Variants in KCNH8 observed in about 807,000 individuals in gnomAD.
KCNH8 encodes the protein potassium voltage-gated channel subfamily H member 8, also known as voltage-gated delayed rectifier potassium channel KCNH8.
KCNH8 carries 70 observed loss-of-function variants against 103.6 expected under a neutral mutation model. The ratio of observed to expected loss-of-function variants is 0.68; its 90% confidence interval spans 0.56 to 0.82. The LOEUF (loss-of-function observed/expected upper bound fraction) is 0.82. Ranked by LOEUF, KCNH8 falls within the 40% of genes least tolerant of loss-of-function variation. KCNH8 has a pLI of 0.00. For missense variants in KCNH8, 1,217 were observed against 1,329.9 expected (o/e 0.92, Z 1.32); for synonymous variants, 498 against 489.4 (o/e 1.02, Z -0.23).
chr3:19,156,095 C>T (rs1240736401), intron 1 of KCNH8, among the ~76,000 whole-genome samples: 1 of 152,120 alleles, frequency 6.6e-6, no homozygotes, highest in Non-Finnish European at 1.5e-5. Flanking sequence ...TACTGGACTG[C>T]CTTCCAGCCT....
chr3:19,431,332 G>A (rs1232764752), intron 7 of KCNH8, among the ~76,000 whole-genome samples: 1 of 152,204 alleles, frequency 6.6e-6, no homozygotes, highest in African/African-American at 2.4e-5. Flanking sequence ...CTGGCGTGAA[G>A]CCTACTTGAT....
intron 7 of KCNH8, among the ~76,000 whole-genome samples, chr3:19,427,593 G>A (rs77896429): frequency 0.068 from 10,315 of 152,222 alleles, 445 homozygotes; most frequent in Middle Eastern, 0.14. Flanking sequence ...TCACAAGACA[G>A]TAACCAAAGA....
intron 3 of KCNH8, among the ~76,000 whole-genome samples, chr3:19,290,382 T>C (rs923555979): frequency 1.3e-5 from 2 of 152,198 alleles, no homozygotes; most frequent in African/African-American, 4.8e-5. Flanking sequence ...GGCTGTGGGT[T>C]TGTCATATAT....
chr3:19,270,591 G>T (rs2125265914), intron 2 of KCNH8, among the ~76,000 whole-genome samples: 1 of 152,212 alleles, frequency 6.6e-6, no homozygotes, highest in East Asian at 1.9e-4. Flanking sequence ...TCAAGTTCTA[G>T]TGAGGTGCCC....
intron 5 of KCNH8, among the ~76,000 whole-genome samples, chr3:19,362,757 A>G (rs535565694): frequency 1.3e-5 from 2 of 152,198 alleles, no homozygotes; most frequent in African/African-American, 4.8e-5. Flanking sequence ...TCAATCTCCC[A>G]GGGTGATGCT....
intron 3 of KCNH8, among the ~76,000 whole-genome samples, chr3:19,284,508 GGTGTGTGTGTGTGTGTGTGTGTGT>G (rs66509260): frequency 8.8e-5 from 12 of 136,524 alleles, no homozygotes; most frequent in Non-Finnish European, 1.4e-4. Flanking sequence ...TGGATCTGCT[GGTGTGTGTGTGTGTGTGTGTGTGT>G]GTGTGTGTGT....
rs146732477 is a variant in KCNH8, at chr3:19,359,566, A to G, written c.811+11601A>G. On this transcript the variant is annotated intron_variant, in intron 5 of 15. Coordinates refer to ENST00000328405, the MANE Select transcript of KCNH8 (RefSeq NM_144633.3). ...GGACGACTGAAGTTTGGGGCTGGAT[A>G]ATCGTTAGTTATGGAGGCTGCCCTG... 1.7e-3 allele frequency among the ~76,000 whole-genome samples: 264 copies of G among 152,114 alleles called. 1 individual carries two copies. The highest frequency in any genetic ancestry group is 6.0e-3 in the African/African-American group (249 of 41,558).
intron 3 of KCNH8, among the ~76,000 whole-genome samples, chr3:19,302,372 C>G (rs560517337): frequency 2.0e-5 from 3 of 152,266 alleles, no homozygotes; most frequent in Admixed American, 1.3e-4. Flanking sequence ...ATTAAAATAT[C>G]ACACATCCAT....
At chr3:19,172,146 A>G (rs1295464384) in intron 1 of KCNH8, among the ~76,000 whole-genome samples, 1 of 152,218 alleles carries the variant, frequency 6.6e-6, no homozygotes, top group African/African-American at 2.4e-5. Context: ...TACAAGTAAC[A>G]AAAGAGCAAA....
chr3:19,202,756 C>T lies in KCNH8; in HGVS notation c.77-50898C>T, dbSNP rs573330179. 9.9e-5 allele frequency among the ~76,000 whole-genome samples: 15 copies of T among 152,114 alleles called. No individual in the cohort carries two copies. In the South Asian group the frequency reaches 2.9e-3, roughly 29 times the overall value. Reference sequence around the variant, plus strand: ...TGGAAAACCTTTTTTATTTTGGAATCAACCCTTTTGGCTTCAATAACAGAG... The same window carrying T: ...TGGAAAACCTTTTTTATTTTGGAATTAACCCTTTTGGCTTCAATAACAGAG... On this transcript the variant is annotated intron_variant, in intron 1 of 15. Coordinates refer to ENST00000328405, the MANE Select transcript of KCNH8 (RefSeq NM_144633.3).
At chr3:19,526,109 A>G (rs892506287) in intron 15 of KCNH8, among the ~76,000 whole-genome samples, 2 of 151,968 alleles carry the variant, frequency 1.3e-5, no homozygotes, top group African/African-American at 4.8e-5. Flanking sequence ...ATAGCTTGTA[A>G]AAATGTATAT....
intron 1 of KCNH8, among the ~76,000 whole-genome samples, chr3:19,227,895 A>G (rs1303038461): frequency 1.3e-5 from 2 of 152,002 alleles, no homozygotes; most frequent in Admixed American, 1.3e-4. Context: ...GAAAGGAACC[A>G]CCCTTTTGGT....
Position 19,289,696 on chromosome 3 carries a change from AT to A in KCNH8, c.442+8368del, listed in dbSNP as rs140777525. Reference sequence around the variant, plus strand: ...CTTTTGGCTGGAGGATTCCAGCCAAATCTTTTGGCTTAGGATTGACTTGGCA... The same window carrying A: ...CTTTTGGCTGGAGGATTCCAGCCAAACTTTTGGCTTAGGATTGACTTGGCA... On this transcript the variant is annotated intron_variant, in intron 3 of 15. Coordinates refer to ENST00000328405, the MANE Select transcript of KCNH8 (RefSeq NM_144633.3). Among the ~76,000 whole-genome samples the A allele has an allele frequency of 6.6e-3, 990 of 150,778 alleles. 9 individuals are homozygous for A. Among genetic ancestry groups the A allele is most frequent in the Non-Finnish European group, 9.5e-3 (639 of 67,124 alleles).
In KCNH8 at chr3:19,430,968, C is replaced by T. The variant is rs193051395; in HGVS notation, c.1178-7196C>T. Among the ~76,000 whole-genome samples, 466 of 152,208 alleles carry T rather than the reference C, an allele frequency of 3.1e-3. 4 individuals carry two copies. Among genetic ancestry groups the T allele is most frequent in the African/African-American group, 0.01 (421 of 41,526 alleles). Reference sequence around the variant, plus strand: ...GACTTCCTCTCTTTCTATTTGAATACGCTTCATTTCTTTCTCTTGCCTGAT... The same window carrying T: ...GACTTCCTCTCTTTCTATTTGAATATGCTTCATTTCTTTCTCTTGCCTGAT... On this transcript the variant is annotated intron_variant, in intron 7 of 15. Coordinates refer to ENST00000328405, the MANE Select transcript of KCNH8 (RefSeq NM_144633.3).
intron 7 of KCNH8, among the ~76,000 whole-genome samples, chr3:19,409,891 C>T (rs1195076534): frequency 6.6e-6 from 1 of 152,078 alleles, no homozygotes; most frequent in Non-Finnish European, 1.5e-5. Context: ...TCTAGAACTA[C>T]AAAAAGACTT....
intron 3 of KCNH8, among the ~76,000 whole-genome samples, chr3:19,308,665 TCTCTC>T (rs2065162563): frequency 8.5e-5 from 2 of 23,502 alleles, no homozygotes; most frequent in African/African-American, 4.5e-4. Flanking sequence ...TCTCTCTCTC[TCTCTC>T]TCTCTCTCTC....
At chr3:19,160,537 A>G (rs1169876191) in intron 1 of KCNH8, among the ~76,000 whole-genome samples, 1 of 152,078 alleles carries the variant, frequency 6.6e-6, no homozygotes, top group Non-Finnish European at 1.5e-5. Flanking sequence ...TTATGCCTAA[A>G]ATTTCCTTTG....
At chr3:19,275,289 AAC>A (rs1426696985) in intron 2 of KCNH8, among the ~76,000 whole-genome samples, 1 of 151,980 alleles carries the variant, frequency 6.6e-6, no homozygotes. Context: ...AGAAGTTTAA[AAC>A]ACAGTGTGTT....
intron 8 of KCNH8, among the ~76,000 whole-genome samples, chr3:19,440,326 A>G: frequency 6.6e-6 from 1 of 152,244 alleles, no homozygotes; most frequent in Admixed American, 6.5e-5. Context: ...TTATGTATTC[A>G]AATATTGTAT....
Sources: gnomAD v4.1 joint callset for allele counts (sites outside exome capture counted in the v4.1 genomes callset) on GRCh38, gnomAD v4.1.1 for gene constraint, MANE v1.5 for transcripts, NCBI Gene and HGNC (gene_info 2026-07-23, HGNC 2026-07-21) for gene names.